Variants in BLTP1 observed in about 807,000 individuals in gnomAD.
BLTP1 encodes the protein bridge-like lipid transfer protein family member 1, also known as fragile site-associated protein.
the BLTP1 span, chr4:122,271,192 T>C: frequency 6.2e-7 from 1 of 1,614,002 alleles, no homozygotes; most frequent in Middle Eastern, 1.6e-4. Flanking sequence ...ACTGCAACTT[T>C]ACTATTTCCT....
At chr4:122,219,084 T>G in the BLTP1 span, 4 of 939,000 alleles carry the variant, frequency 4.3e-6, no homozygotes, top group African/African-American at 7.1e-5. Flanking sequence ...TTGCTGTAAT[T>G]GGGGCAATGC....
At chr4:122,164,031 A>G in the BLTP1 span, among the ~76,000 whole-genome samples, 2 of 152,202 alleles carry the variant, frequency 1.3e-5, no homozygotes, top group African/African-American at 4.8e-5. Context: ...AGGCTATCAT[A>G]TCAAATAATT....
the BLTP1 span, chr4:122,192,250 A>G: frequency 1.2e-6 from 2 of 1,612,872 alleles, no homozygotes; most frequent in East Asian, 4.5e-5. Flanking sequence ...GAAGAAACAG[A>G]AGAAAATATT....
At chr4:122,307,225 T>C in the BLTP1 span, among the ~76,000 whole-genome samples, 3 of 152,116 alleles carry the variant, frequency 2.0e-5, no homozygotes, top group Admixed American at 6.6e-5. Flanking sequence ...TGAAGATAAT[T>C]TTATAAAATA....
chr4:122,236,411 C>T, the BLTP1 span, among the ~76,000 whole-genome samples: 1 of 152,182 alleles, frequency 6.6e-6, no homozygotes, highest in Non-Finnish European at 1.5e-5. Context: ...AACTTTTTTA[C>T]ATTTGAATAA....
the BLTP1 span, chr4:122,325,488 A>C: frequency 1.0e-5 from 10 of 984,956 alleles, no homozygotes; most frequent in Non-Finnish European, 1.2e-5. Context: ...TGCCCTTATA[A>C]CATTTTCTGA....
At chr4:122,286,838 T>G in the BLTP1 span, 10 of 1,450,408 alleles carry the variant, frequency 6.9e-6, no homozygotes, top group Admixed American at 9.8e-5. Context: ...GTCTTCAAGA[T>G]TTATATGTAC....
At chr4:122,164,953 A>T in the BLTP1 span, among the ~76,000 whole-genome samples, 2 of 152,218 alleles carry the variant, frequency 1.3e-5, no homozygotes, top group East Asian at 3.8e-4. Flanking sequence ...ATATAGAAGA[A>T]GGTATTTATA....
At chr4:122,361,969 A>G in the BLTP1 span, 5 of 1,556,458 alleles carry the variant, frequency 3.2e-6, no homozygotes, top group African/African-American at 6.9e-5. Flanking sequence ...TTCTTTTCCT[A>G]CCATTAGAAC....
At chr4:122,264,505 G>T in the BLTP1 span, 2 of 1,311,154 alleles carry the variant, frequency 1.5e-6, no homozygotes, top group South Asian at 3.6e-5. Flanking sequence ...CCAATAGTAC[G>T]CACCTTGGAA....
the BLTP1 span, among the ~76,000 whole-genome samples, chr4:122,183,864 C>T: frequency 6.6e-6 from 1 of 151,840 alleles, no homozygotes; most frequent in Admixed American, 6.6e-5. Flanking sequence ...CACAAATATC[C>T]TAAATACTGA....
chr4:122,344,900 G>A, the BLTP1 span: 1 of 985,020 alleles, frequency 1.0e-6, no homozygotes, highest in African/African-American at 1.7e-5. Context: ...AAAACGGGAT[G>A]AGTGATGTTT....
At chr4:122,347,957 T>C in the BLTP1 span, among the ~76,000 whole-genome samples, 1 of 150,520 alleles carries the variant, frequency 6.6e-6, no homozygotes, top group Admixed American at 6.6e-5. Context: ...TATTTCAAAG[T>C]ATTGCCATCA....
chr4:122,243,211 C>A, the BLTP1 span: 2 of 956,392 alleles, frequency 2.1e-6, no homozygotes, highest in Non-Finnish European at 3.0e-6. Context: ...CTTTTCTCTG[C>A]CATGGCTTTG....
At chr4:122,208,834 G>A in the BLTP1 span, among the ~76,000 whole-genome samples, 1 of 151,462 alleles carries the variant, frequency 6.6e-6, no homozygotes, top group African/African-American at 2.4e-5. Context: ...TTGAGGTCAG[G>A]AGTTTGAGAC....
At chr4:122,343,916 C>A in the BLTP1 span, 154 of 894,448 alleles carry the variant, frequency 1.7e-4, no homozygotes, top group Non-Finnish European at 2.0e-4. Context: ...AAATCACTGT[C>A]CATTTATACA....
At chr4:122,174,201 C>G in the BLTP1 span, 2 of 985,214 alleles carry the variant, frequency 2.0e-6, no homozygotes, top group Non-Finnish European at 2.4e-6. Context: ...AAATCGTCTT[C>G]CATTAATTTG....
the BLTP1 span, among the ~76,000 whole-genome samples, chr4:122,172,701 T>G: frequency 6.6e-6 from 1 of 152,220 alleles, no homozygotes; most frequent in African/African-American, 2.4e-5. Flanking sequence ...TGTGTATAGA[T>G]GAGTTTTTGG....
chr4:122,271,437 C>G, the BLTP1 span: 1 of 1,613,546 alleles, frequency 6.2e-7, no homozygotes, highest in African/African-American at 1.3e-5. Flanking sequence ...GTAAATAATG[C>G]AAAGAACAAA....
Sources: gnomAD v4.1 joint callset for allele counts (sites outside exome capture counted in the v4.1 genomes callset) on GRCh38, gnomAD v4.1.1 for gene constraint, MANE v1.5 for transcripts, NCBI Gene and HGNC (gene_info 2026-07-23, HGNC 2026-07-21) for gene names.